Variants in CEP120 observed in about 807,000 individuals in gnomAD.
CEP120 encodes the protein centrosomal protein 120.
In CEP120, 113 loss-of-function variants were observed where a neutral mutation model predicts 126.5. That is an observed-to-expected ratio of 0.89 (90% CI 0.77 to 1.04). The LOEUF (loss-of-function observed/expected upper bound fraction) is 1.04, where lower values mean the gene tolerates loss of function less well. CEP120 is among the 50% of genes least tolerant of loss of function. The pLI is 0.00. For synonymous variants in CEP120, 400 were observed against 394.3 expected (o/e 1.01, Z -0.17); for missense variants, 1,230 against 1,155.7 (o/e 1.06, Z -0.93).
intron 1 of CEP120, chr5:123,422,719 G>A (rs536129050): frequency 1.1e-5 from 8 of 704,260 alleles, no homozygotes; most frequent in African/African-American, 8.9e-5. Flanking sequence ...ATTCTCTGGG[G>A]CTACGGCTAG....
intron 17 of CEP120, among the ~76,000 whole-genome samples, chr5:123,365,256 T>TA (rs1453323286): frequency 6.6e-6 from 1 of 151,708 alleles, no homozygotes; most frequent in East Asian, 1.9e-4. Context: ...GTGATTCAAT[T>TA]AAAAAATATG....
intron 18 of CEP120, among the ~76,000 whole-genome samples, chr5:123,358,855 GC>G (rs1189037918): frequency 1.3e-5 from 2 of 151,974 alleles, no homozygotes; most frequent in Non-Finnish European, 2.9e-5. Context: ...AGACTAAACA[GC>G]GGCTAAAAAG....
chr5:123,371,674 A>C (rs768394112), intron 17 of CEP120, among the ~76,000 whole-genome samples: 3 of 152,076 alleles, frequency 2.0e-5, no homozygotes, highest in African/African-American at 4.8e-5. Flanking sequence ...TGGAACCATA[A>C]AAAGATTCAA....
chr5:123,386,583 A>G lies in CEP120; in HGVS notation c.1515T>C (p.Leu505=). ...AATCAAATGCACAGTAAGACTGGGG[A>G]AGAAAAACTTCCATGTTTTTCCGAA... ...VEVRKNMEVF[L]PQSYCAFDFA... is the part of the protein sequence containing the mutation. Residue 505 remains leucine (L), a synonymous_variant, in exon 10 of 20, where the codon CTT becomes CTC. Transcript: ENST00000306467. 1 of 1,597,114 alleles carries G rather than the reference A, an allele frequency of 6.3e-7. No homozygotes were observed. Among genetic ancestry groups the G allele is most frequent in the East Asian group, 2.3e-5 (1 of 44,002 alleles).
chr5:123,365,673 A>T (rs1351352003), intron 17 of CEP120, among the ~76,000 whole-genome samples: 1 of 151,656 alleles, frequency 6.6e-6, no homozygotes, highest in Non-Finnish European at 1.5e-5. Flanking sequence ...TAAGTTGAAT[A>T]ATACTGCTGA....
chr5:123,397,341 A>G (rs559433706), intron 5 of CEP120, among the ~76,000 whole-genome samples: 1 of 152,204 alleles, frequency 6.6e-6, no homozygotes, highest in Non-Finnish European at 1.5e-5. Flanking sequence ...ATAAAAATAA[A>G]AAATAAAATG....
At chr5:123,396,834 A>G (rs919341586) in intron 5 of CEP120, among the ~76,000 whole-genome samples, 5 of 152,216 alleles carry the variant, frequency 3.3e-5, no homozygotes, top group Admixed American at 3.3e-4. Context: ...GCCATTAACT[A>G]GCTGTAAGAT....
At chr5:123,412,562 A>G (rs1406910141) in intron 3 of CEP120, 22 bp from the exon 4 acceptor site, 2 of 1,558,690 alleles carry the variant, frequency 1.3e-6, no homozygotes, top group South Asian at 1.2e-5. Flanking sequence ...TAAAATAACA[A>G]AACACCTAAT....
chr5:123,401,248 C>A, intron 4 of CEP120: 1 of 1,611,560 alleles, frequency 6.2e-7, no homozygotes, highest in Non-Finnish European at 8.5e-7. Context: ...CACGCCATGT[C>A]CTGCTTGGCC....
chr5:123,359,832 T>C (rs930807686), intron 18 of CEP120, among the ~76,000 whole-genome samples: 1 of 152,048 alleles, frequency 6.6e-6, no homozygotes, highest in African/African-American at 2.4e-5. Context: ...AATTCACAAA[T>C]AGACTATCCT....
chr5:123,407,370 C>T (rs548742501), intron 4 of CEP120, among the ~76,000 whole-genome samples: 54 of 151,992 alleles, frequency 3.6e-4, no homozygotes, highest in African/African-American at 1.2e-3. Context: ...TATAAGAAAC[C>T]CACTTTAAAT....
chr5:123,400,966 G>C, intron 4 of CEP120: 1 of 1,511,958 alleles, frequency 6.6e-7, no homozygotes, highest in Non-Finnish European at 8.9e-7. Flanking sequence ...TTCCCATCAC[G>C]TGTCTCGATC....
chr5:123,364,437 C>A (rs537557602), intron 18 of CEP120, 59 bp downstream of exon 18: 5 of 1,140,252 alleles, frequency 4.4e-6, no homozygotes, highest in South Asian at 3.0e-5. Context: ...GCCAAACATA[C>A]GAATTTGCAA....
intron 11 of CEP120, among the ~76,000 whole-genome samples, chr5:123,383,741 C>T (rs534137495): frequency 4.5e-4 from 68 of 152,162 alleles, no homozygotes; most frequent in African/African-American, 1.6e-3. Context: ...TTAGTATGAG[C>T]ATAATGAGCA....
chr5:123,354,218 T>C, intron 18 of CEP120, among the ~76,000 whole-genome samples: 1 of 152,116 alleles, frequency 6.6e-6, no homozygotes, highest in East Asian at 1.9e-4. Context: ...TGGGGACATT[T>C]CTTATTATCT....
In CEP120 at chr5:123,345,061, A is replaced by G. The variant is rs1040007747; in HGVS notation, c.*1458T>C. 1 of 152,200 alleles carries G rather than the reference A, an allele frequency of 6.6e-6. No homozygotes were observed. The highest frequency in any genetic ancestry group is 1.5e-5 in the Non-Finnish European group (1 of 68,030). 9.4% of individuals were successfully genotyped at this position (152,200 alleles called of 1,614,324 possible). ...GGCAACACACAATGCAATTGAAAGT[A>G]AACAGTCACAGCATTTTACCGCAGA... On this transcript the variant is annotated 3_prime_UTR_variant, in exon 20 of 20. Transcript: ENST00000306467.
intron 3 of CEP120, 126 bp downstream of exon 3, chr5:123,415,884 G>A: frequency 1.8e-6 from 1 of 556,742 alleles, no homozygotes; most frequent in Middle Eastern, 4.0e-4. Flanking sequence ...AAAAAGAACT[G>A]CCATATTGGC....
chr5:123,390,052 G>A lies in CEP120; in HGVS notation c.1127C>T (p.Thr376Ile). 1 of 1,614,010 alleles carries A rather than the reference G, an allele frequency of 6.2e-7. No homozygotes were observed. Among genetic ancestry groups the A allele is most frequent in the Non-Finnish European group, 8.5e-7 (1 of 1,179,894 alleles). The change falls in exon 8 of 20, where the codon ACT becomes ATT. Residue 376 changes from threonine to isoleucine, a missense_variant. Transcript: ENST00000306467. ...VLTPIKEKTL[T>I]GPKSPTVSPV... is the part of the protein sequence containing the mutation. ...GGACACTGTTGGTGATTTTGGCCCA[G>A]TAAGTGTCTTCTCCTTTATGGGGGT...
At chr5:123,350,407 T>C (rs1769128585) in intron 18 of CEP120, among the ~76,000 whole-genome samples, 1 of 152,204 alleles carries the variant, frequency 6.6e-6, no homozygotes, top group Admixed American at 6.5e-5. Flanking sequence ...ATGAGTTATA[T>C]ATTAACCAGA....
Sources: allele counts gnomAD v4.1 joint callset (sites outside exome capture counted in the v4.1 genomes callset), GRCh38; gene constraint gnomAD v4.1.1; transcripts MANE v1.5; gene names NCBI Gene and HGNC (gene_info 2026-07-23, HGNC 2026-07-21).